The following FRAS1 variants were observed in gnomAD, a reference collection of about 807,000 sequenced individuals.
FRAS1 encodes the protein extracellular matrix organizing protein FRAS1.
Under a neutral mutation model 435.2 loss-of-function variants are expected in FRAS1, and 290 were observed. The observed-to-expected ratio is 0.67, with a 90% confidence interval of 0.61 to 0.73. The LOEUF is 0.73. Ranked by LOEUF, FRAS1 falls within the 30% of genes least tolerant of loss-of-function variation. FRAS1 has a pLI of 0.00. For missense variants in FRAS1, 4,860 were observed against 5,001.5 expected (o/e 0.97, Z 0.85); for synonymous variants, 1,800 against 1,851.0 (o/e 0.97, Z 0.71).
intron 2 of FRAS1, among the ~76,000 whole-genome samples, chr4:78,145,933 C>T (rs1008289647): frequency 6.6e-6 from 1 of 152,096 alleles, no homozygotes; most frequent in African/African-American, 2.4e-5. Flanking sequence ...TTCTCTTTCC[C>T]GCCGCCCTGA....
intron 69 of FRAS1, among the ~76,000 whole-genome samples, chr4:78,525,864 G>T (rs1255920412): frequency 6.6e-6 from 1 of 152,208 alleles, no homozygotes; most frequent in Non-Finnish European, 1.5e-5. Flanking sequence ...GGAGAATCCT[G>T]GGCCCCCCAT....
intron 2 of FRAS1, among the ~76,000 whole-genome samples, chr4:78,079,212 G>T (rs1240368838): frequency 6.6e-6 from 1 of 152,040 alleles, no homozygotes; most frequent in Non-Finnish European, 1.5e-5. Context: ...TGTGATTGGG[G>T]TCTCATAAGG....
intron 2 of FRAS1, among the ~76,000 whole-genome samples, chr4:78,134,575 C>T (rs904115013): frequency 7.9e-5 from 12 of 152,164 alleles, no homozygotes; most frequent in Non-Finnish European, 1.5e-4. Flanking sequence ...TTTCTCCTGC[C>T]TGAATCACTC....
intron 2 of FRAS1, among the ~76,000 whole-genome samples, chr4:78,097,778 C>T (rs1449576403): frequency 6.6e-6 from 1 of 152,164 alleles, no homozygotes; most frequent in East Asian, 1.9e-4. Context: ...GATACAGAAC[C>T]AAACCATACA....
chr4:78,438,492 C>A (rs374863020), intron 38 of FRAS1, 78 bp from the exon 39 acceptor site: 7 of 1,397,128 alleles, frequency 5.0e-6, no homozygotes, highest in African/African-American at 2.9e-5. Flanking sequence ...GAGAGAAGCA[C>A]CCATAGATCT....
intron 22 of FRAS1, among the ~76,000 whole-genome samples, chr4:78,368,438 C>T (rs748626218): frequency 1.3e-5 from 2 of 150,940 alleles, no homozygotes; most frequent in African/African-American, 2.5e-5. Context: ...TCCTCTGACA[C>T]GTACTTAGAG....
chr4:78,535,478 CT>C (rs780925102), intron 71 of FRAS1, among the ~76,000 whole-genome samples: 13 of 152,220 alleles, frequency 8.5e-5, no homozygotes, highest in African/African-American at 1.7e-4. Flanking sequence ...GACTTGTCTC[CT>C]TCCAAGCATG....
chr4:78,451,937 C>G, intron 46 of FRAS1, 46 bp downstream of exon 46: 3 of 1,556,594 alleles, frequency 1.9e-6, no homozygotes, highest in Middle Eastern at 1.7e-4. Flanking sequence ...TTTAGCAGTT[C>G]TGAGGTTATA....
At chr4:78,431,240 A>C (rs1022338736) in intron 37 of FRAS1, among the ~76,000 whole-genome samples, 1 of 152,216 alleles carries the variant, frequency 6.6e-6, no homozygotes, top group Non-Finnish European at 1.5e-5. Context: ...GGGAGTCACA[A>C]AGGTAGACTC....
chr4:78,210,402 C>T (rs181880265), intron 2 of FRAS1, among the ~76,000 whole-genome samples: 1 of 152,340 alleles, frequency 6.6e-6, no homozygotes, highest in Admixed American at 6.5e-5. Flanking sequence ...ATTCTCCCAA[C>T]AGACTCTATC....
chr4:78,289,629 C>T (rs1487876853), intron 14 of FRAS1, among the ~76,000 whole-genome samples: 1 of 152,190 alleles, frequency 6.6e-6, no homozygotes, highest in Non-Finnish European at 1.5e-5. Flanking sequence ...TTTGCCAACA[C>T]CTGGATCTGA....
chr4:78,470,018 T>C lies in FRAS1; in HGVS notation c.7298T>C (p.Leu2433Pro), dbSNP rs370562500. The C allele has an allele frequency of 6.2e-7, 1 of 1,613,702 alleles. No homozygotes were observed. Reference protein sequence around the residue: ...AAPQPFRVDILPVDDGTPRIV... With the variant: ...AAPQPFRVDIPPVDDGTPRIV... ...CCTCAGCCGTTCCGAGTAGACATCC[T>C]CCCGGTAGATGATGGCACGCCTAGA... The change falls in exon 51 of 74, where the codon CTC becomes CCC. Residue 2433 changes from leucine to proline, a missense_variant. By Grantham distance (98) the Leu-to-Pro change is moderately conservative. Coordinates refer to ENST00000512123, the MANE Select transcript of FRAS1 (RefSeq NM_025074.7).
At chr4:78,394,176 G>A (rs190863962) in intron 29 of FRAS1, among the ~76,000 whole-genome samples, 1 of 151,830 alleles carries the variant, frequency 6.6e-6, no homozygotes, top group Admixed American at 6.6e-5. Flanking sequence ...TTTTCATTTT[G>A]TTGATTATTT....
chr4:78,493,119 A>G (rs986343013), intron 59 of FRAS1, among the ~76,000 whole-genome samples: 2 of 152,232 alleles, frequency 1.3e-5, no homozygotes, highest in African/African-American at 4.8e-5. Context: ...ATCTCATGCC[A>G]GTTAGAATGG....
At chr4:78,179,164 ACTT>A (rs921817959) in intron 2 of FRAS1, among the ~76,000 whole-genome samples, 2 of 152,182 alleles carry the variant, frequency 1.3e-5, no homozygotes, top group Non-Finnish European at 2.9e-5. Flanking sequence ...GCAAAGGAAA[ACTT>A]CTTGAGAATG....
chr4:78,270,817 T>G (rs1170578453), intron 9 of FRAS1, among the ~76,000 whole-genome samples: 1 of 152,128 alleles, frequency 6.6e-6, no homozygotes, highest in African/African-American at 2.4e-5. Context: ...TTTGTCACAT[T>G]TCTGCAAAAT....
chr4:78,069,847 A>G (rs1475159700), intron 2 of FRAS1, among the ~76,000 whole-genome samples: 2 of 151,474 alleles, frequency 1.3e-5, no homozygotes, highest in African/African-American at 4.9e-5. Context: ...GAAGTAGTCA[A>G]TTGTCCAAAG....
rs1176833862 is a variant in FRAS1, at chr4:78,429,152, G to A, written c.4769G>A (p.Ser1590Asn). The A allele has an allele frequency of 1.9e-6, 3 of 1,590,818 alleles. No homozygotes were observed. Among genetic ancestry groups the A allele is most frequent in the South Asian group, 2.3e-5 (2 of 86,676 alleles). ...EMVLTIHLLPSDQQLPVFQVT... is the reference protein window; with the variant it reads ...EMVLTIHLLPNDQQLPVFQVT... ...GTCCTCACCATTCACTTACTTCCCA[G>A]TGATCAGCAACTGCCAGTGTTCCAG... The change falls in exon 36 of 74, where the codon AGT (serine) becomes AAT (asparagine). Residue 1590 changes from serine (S) to asparagine (N), a missense_variant. Transcript: ENST00000512123.
chr4:78,145,866 G>T (rs1193309850), intron 2 of FRAS1, among the ~76,000 whole-genome samples: 2 of 152,150 alleles, frequency 1.3e-5, no homozygotes, highest in Non-Finnish European at 2.9e-5. Context: ...TAGTAAGTGA[G>T]TTCTCACGAG....
Sources: allele counts gnomAD v4.1 joint callset (sites outside exome capture counted in the v4.1 genomes callset), GRCh38; gene constraint gnomAD v4.1.1; transcripts MANE v1.5; gene names NCBI Gene and HGNC (gene_info 2026-07-23, HGNC 2026-07-21).